Variants in KRT84 observed in about 807,000 individuals in gnomAD.
The protein encoded by KRT84 is keratin 84, also known as keratin, type II cuticular Hb4.
Under a neutral mutation model 49.0 loss-of-function variants are expected in KRT84, and 38 were observed. That is an observed-to-expected ratio of 0.78 (90% confidence interval 0.60 to 1.02). The LOEUF (loss-of-function observed/expected upper bound fraction) is 1.02. Among genes scored for constraint, KRT84 ranks in the 50% least tolerant of loss-of-function variants. The pLI is 0.00. For synonymous variants in KRT84, 334 were observed against 312.8 expected (o/e 1.07, Z -0.72); for missense variants, 860 against 788.6 (o/e 1.09, Z -1.08).
At chr12:52,382,701 A>T (rs1338969375) in intron 3 of KRT84, among the ~76,000 whole-genome samples, 169 bp from the exon 4 acceptor site, 1 of 152,204 alleles carries the variant, frequency 6.6e-6, no homozygotes, top group African/African-American at 2.4e-5. Flanking sequence ...CAATGCCAAC[A>T]TTCCCCCAGG....
chr12:52,384,052 T>C (rs1380898469), intron 1 of KRT84, among the ~76,000 whole-genome samples: 3 of 152,210 alleles, frequency 2.0e-5, no homozygotes, highest in Non-Finnish European at 2.9e-5. Flanking sequence ...CTATCCAGTC[T>C]CTAAGAAAGC....
upstream of KRT84, chr12:52,385,737 G>A (rs1939564615): frequency 2.2e-5 from 16 of 729,844 alleles, no homozygotes; most frequent in South Asian, 3.0e-4. Context: ...CCATTTGCAG[G>A]CATTTATGAG....
At chr12:52,384,955 G>A in intron 1 of KRT84, 85 bp downstream of exon 1, 1 of 1,384,216 alleles carries the variant, frequency 7.2e-7, no homozygotes, top group Non-Finnish European at 9.9e-7. Flanking sequence ...CCCAGAACCG[G>A]GCCAGTTCTT....
rs1939449092 is a variant in KRT84 at position 52,379,872 on chromosome 12, T to G, written c.1456+4A>C. On this transcript the variant is annotated splice_donor_region_variant and intron_variant, in intron 8 of 8. Transcript: ENST00000257951. ...GTGTGAAGAGGAAAAAACAAGTTTC[T>G]TACATATGTTTACTGGTCCAACACC... The G allele has an allele frequency of 6.2e-7, 1 of 1,609,460 alleles. No homozygotes were observed. The highest frequency in any genetic ancestry group is 1.3e-5 in the African/African-American group (1 of 74,706).
At position 52,385,288 on chromosome 12, in the gene KRT84, C is replaced by T. The variant is rs1220523202; in HGVS notation, c.298G>A (p.Asp100Asn). The T allele has an allele frequency of 1.2e-6, 2 of 1,614,148 alleles. No homozygotes were observed. The highest frequency in any genetic ancestry group is 2.2e-5 in the East Asian group (1 of 44,878). ...CCAAAGCCCAGACCAACACAGCTGT[C>T]AGCCCTAGGCCCCAGACCAACACCT... ...GRGVGLGPRA[D>N]SCVGLGFGAG... is the part of the protein sequence containing the mutation. Residue 100 changes from aspartate to asparagine, a missense_variant, in exon 1 of 9, where the codon GAC (aspartate) becomes AAC (asparagine). Transcript: ENST00000257951.
At chr12:52,382,243 C>T (rs576165477) in intron 4 of KRT84, among the ~76,000 whole-genome samples, 194 bp downstream of exon 4, 2 of 152,306 alleles carry the variant, frequency 1.3e-5, no homozygotes, top group South Asian at 4.1e-4. Flanking sequence ...TGACTTGCAT[C>T]AGGCTGCTGA....
chr12:52,386,430 C>T (rs77558034), upstream of KRT84, among the ~76,000 whole-genome samples: 7,394 of 149,170 alleles, frequency 0.05, 595 homozygotes, highest in African/African-American at 0.17. Flanking sequence ...TCTAGTTGCC[C>T]AGGCTGGTCT....
intron 5 of KRT84, 37 bp from the exon 6 acceptor site, chr12:52,381,242 T>C (rs1004930853): frequency 1.2e-6 from 2 of 1,612,918 alleles, no homozygotes; most frequent in Admixed American, 1.7e-5. Flanking sequence ...GGTTCGGAGG[T>C]CAGGTCAGGA....
chr12:52,384,736 G>T (rs1939543974), intron 1 of KRT84, among the ~76,000 whole-genome samples: 1 of 152,178 alleles, frequency 6.6e-6, no homozygotes. Context: ...ACATTTCTAA[G>T]TGACCAGATG....
intron 4 of KRT84, among the ~76,000 whole-genome samples, chr12:52,381,847 T>C (rs1463912575): frequency 1.3e-5 from 2 of 152,182 alleles, no homozygotes; most frequent in Admixed American, 6.5e-5. Context: ...TCTTAGATTA[T>C]CTACAAAGTG....
intron 8 of KRT84, among the ~76,000 whole-genome samples, 191 bp from the exon 9 acceptor site, chr12:52,378,571 A>G (rs1336011998): frequency 6.6e-6 from 1 of 152,210 alleles, no homozygotes; most frequent in Non-Finnish European, 1.5e-5. Context: ...AAAGACTGTG[A>G]CTACATTAAA....
In KRT84 at chr12:52,385,274, A is replaced by G; in HGVS notation, c.312T>C (p.Gly104=). ...TGCCACTGCCAGCTCCAAAGCCCAG[A>G]CCAACACAGCTGTCAGCCCTAGGCC... ...GLGPRADSCV[G]LGFGAGSGIG... Residue 104 remains glycine, a synonymous_variant, in exon 1 of 9, where the codon GGT becomes GGC. Transcript: ENST00000257951. 1 of 1,614,082 alleles carries G rather than the reference A, an allele frequency of 6.2e-7. No homozygotes were observed. The highest frequency in any genetic ancestry group is 8.5e-7 in the Non-Finnish European group (1 of 1,180,024).
At chr12:52,382,129 CA>C (rs1428068379) in intron 4 of KRT84, among the ~76,000 whole-genome samples, 1 of 152,126 alleles carries the variant, frequency 6.6e-6, no homozygotes, top group Non-Finnish European at 1.5e-5. Flanking sequence ...CCTCTCCTGG[CA>C]AATCAATTTT....
chr12:52,379,309 G>C (rs552651098), intron 8 of KRT84, among the ~76,000 whole-genome samples: 3 of 152,210 alleles, frequency 2.0e-5, no homozygotes, highest in Non-Finnish European at 4.4e-5. Flanking sequence ...TTTCTCCCCA[G>C]GGATCCTTCC....
chr12:52,381,045 C>CGTA, intron 6 of KRT84, 35 bp downstream of exon 6: 1 of 1,608,376 alleles, frequency 6.2e-7, no homozygotes, highest in Admixed American at 1.7e-5. Flanking sequence ...CTGGTTCTCC[C>CGTA]TCATCTGAGG....
chr12:52,378,000 C>A lies in KRT84; in HGVS notation c.*34G>T, dbSNP rs894370075. ...AGAAGCAGGAGCCGTGGAGCTGGTT[C>A]TTCTCTGGGCAGCAGCTGTCTGGGG... On this transcript the variant is annotated 3_prime_UTR_variant, in exon 9 of 9. Transcript: ENST00000257951. 7.2e-7 allele frequency: 1 copy of A among 1,385,538 alleles called. No individual in the cohort carries two copies. The highest frequency in any genetic ancestry group is 1.8e-5 in the South Asian group (1 of 55,862). The allele number at this position is 1,385,538 out of a possible 1,614,324, so 85.8% of individuals were successfully genotyped here. A position where few individuals can be genotyped will look rare whatever the true frequency, so the allele number is the denominator to read the frequency against.
intron 2 of KRT84, 56 bp downstream of exon 2, chr12:52,383,534 A>G: frequency 6.8e-7 from 1 of 1,473,068 alleles, no homozygotes; most frequent in Non-Finnish European, 9.4e-7. Context: ...CTTGGCAGCT[A>G]ATTCTGGGGC....
At chr12:52,384,600 G>A (rs1939542465) in intron 1 of KRT84, among the ~76,000 whole-genome samples, 1 of 152,010 alleles carries the variant, frequency 6.6e-6, no homozygotes, top group Non-Finnish European at 1.5e-5. Context: ...GAATAGATGA[G>A]GCCACTCAGC....
chr12:52,383,056 C>T lies in KRT84; in HGVS notation c.765G>A (p.Glu255=), dbSNP rs1939511493. The change falls in exon 3 of 9, where the codon GAG becomes GAA. Residue 255 remains glutamate, a synonymous_variant. Coordinates refer to ENST00000257951, the MANE Select transcript of KRT84 (RefSeq NM_033045.4). The stretch of plus-strand genomic sequence containing the variant: ...CAGCATTGGCCCGACATACCACTTC[C>T]TCTTCATACCTGATGATAAAGGTTA... The part of the protein sequence containing the change: ...VLEGFKKKYE[E]EVVCRANAEN... The T allele has an allele frequency of 6.2e-7, 1 of 1,613,796 alleles. No individual in the cohort carries two copies. The highest frequency in any genetic ancestry group is 1.3e-5 in the African/African-American group (1 of 74,916).
Sources: allele counts gnomAD v4.1 joint callset (sites outside exome capture counted in the v4.1 genomes callset), GRCh38; gene constraint gnomAD v4.1.1; transcripts MANE v1.5; gene names NCBI Gene and HGNC (gene_info 2026-07-23, HGNC 2026-07-21).